TNRC6B: variants seen among roughly 807,000 people sequenced by gnomAD.
TNRC6B encodes the protein trinucleotide repeat containing adaptor 6B.
A neutral mutation model predicts 203.6 loss-of-function variants in TNRC6B; 52 were observed. The ratio of observed to expected loss-of-function variants is 0.26; its 90% CI spans 0.20 to 0.32. TNRC6B has a LOEUF of 0.32. TNRC6B is among the 10% of genes least tolerant of loss of function. TNRC6B has a pLI of 1.00. For missense variants in TNRC6B, 1,923 were observed against 2,286.2 expected, an observed-to-expected ratio of 0.84 and a Z score of 3.24; for synonymous variants, 838 against 845.7, an observed-to-expected ratio of 0.99 and a Z score of 0.16.
chr22:40,251,311 T>A, intron 3 of TNRC6B, 111 bp downstream of exon 3: 2 of 788,042 alleles, frequency 2.5e-6, no homozygotes, highest in African/African-American at 1.8e-5. Flanking sequence ...GTAGAGTAAT[T>A]AAGGTGGGTT....
At chr22:40,315,573 G>T in intron 20 of TNRC6B, 66 bp downstream of exon 20, 2 of 1,522,122 alleles carry the variant, frequency 1.3e-6, no homozygotes, top group South Asian at 2.4e-5. Flanking sequence ...AACACAGATG[G>T]TGAAGACACA....
At chr22:40,306,300 AAAAG>A (rs2071087401) in intron 15 of TNRC6B, among the ~76,000 whole-genome samples, 1 of 152,050 alleles carries the variant, frequency 6.6e-6, no homozygotes, top group South Asian at 2.1e-4. Context: ...TCAAAAAAAG[AAAAG>A]AAAGAAAAAA....
intron 9 of TNRC6B, among the ~76,000 whole-genome samples, chr22:40,278,402 A>G (rs2070679822): frequency 6.6e-6 from 1 of 152,080 alleles, no homozygotes; most frequent in African/African-American, 2.4e-5. Flanking sequence ...TACTAAAAAT[A>G]CAAAAATTAG....
chr22:40,102,239 A>G (rs868164165), intron 1 of TNRC6B, among the ~76,000 whole-genome samples: 1 of 152,224 alleles, frequency 6.6e-6, no homozygotes, highest in Non-Finnish European at 1.5e-5. Flanking sequence ...ATTGTGCCAG[A>G]TACTCATGTT....
chr22:40,269,519 T>C (rs1433429238), intron 5 of TNRC6B, among the ~76,000 whole-genome samples: 1 of 152,178 alleles, frequency 6.6e-6, no homozygotes, highest in East Asian at 1.9e-4. Flanking sequence ...CCAAATTTTT[T>C]CTATCAGTGA....
rs769396876 is a variant in TNRC6B, at chr22:40,279,958, T to C, written c.3263-37T>C. On this transcript the variant is annotated intron_variant, in intron 9 of 22. Transcript: ENST00000454349. The stretch of plus-strand genomic sequence containing the variant: ...TCTTGGTTCATGGGGGAAACATTGA[T>C]TCTGGAAATTTTCACTCTGTGTATG... The C allele has an allele frequency of 2.5e-5, 40 of 1,609,306 alleles. No individual in the cohort carries two copies. The South Asian group carries it at 4.2e-4, about 17-fold the overall frequency.
chr22:40,242,896 G>A (rs1022492045), intron 1 of TNRC6B, among the ~76,000 whole-genome samples: 1 of 150,612 alleles, frequency 6.6e-6, no homozygotes, highest in Admixed American at 6.6e-5. Context: ...TGGAGACAGA[G>A]TCTCGCTCTG....
chr22:40,159,107 C>G (rs867455361), intron 4 of TNRC6B, among the ~76,000 whole-genome samples: 1 of 151,382 alleles, frequency 6.6e-6, no homozygotes, highest in African/African-American at 2.4e-5. Context: ...GGACTACAGG[C>G]GCCCACCATC....
chr22:40,094,766 A>G (rs1481137777), intron 1 of TNRC6B, among the ~76,000 whole-genome samples: 2 of 152,236 alleles, frequency 1.3e-5, no homozygotes. Context: ...TGTTTGATAA[A>G]CAGAAGTTTA....
intron 11 of TNRC6B, 46 bp downstream of exon 11, chr22:40,281,335 C>T: frequency 6.8e-7 from 1 of 1,469,320 alleles, no homozygotes; most frequent in South Asian, 1.4e-5. Flanking sequence ...ATGGCCTCGC[C>T]TTGGTCCTGG....
chr22:40,154,878 T>A (rs1252985229), intron 3 of TNRC6B, among the ~76,000 whole-genome samples: 1 of 69,784 alleles, frequency 1.4e-5, no homozygotes, highest in Non-Finnish European at 2.6e-5. Flanking sequence ...TATATATATA[T>A]ATATATATAT....
At chr22:40,120,763 G>A (rs192189022) in intron 2 of TNRC6B, among the ~76,000 whole-genome samples, 80 of 152,288 alleles carry the variant, frequency 5.3e-4, no homozygotes, top group African/African-American at 1.6e-3. Context: ...AAAATTTCAC[G>A]TTTATCATTC....
At chr22:40,210,525 A>G (rs966401548) in intron 1 of TNRC6B, among the ~76,000 whole-genome samples, 1 of 152,184 alleles carries the variant, frequency 6.6e-6, no homozygotes, top group African/African-American at 2.4e-5. Context: ...AAAACTGTTA[A>G]CACTTTGGTA....
chr22:40,105,108 C>G (rs2068271752), intron 1 of TNRC6B, among the ~76,000 whole-genome samples: 1 of 152,178 alleles, frequency 6.6e-6, no homozygotes, highest in South Asian at 2.1e-4. Flanking sequence ...GTGTGGCAGA[C>G]TACTTGTGAG....
chr22:40,305,697 C>T (rs937714414), intron 15 of TNRC6B, among the ~76,000 whole-genome samples: 1 of 152,084 alleles, frequency 6.6e-6, no homozygotes, highest in African/African-American at 2.4e-5. Context: ...TTTCTCTTAC[C>T]CCTTGGATTA....
rs1421097589 is a variant in TNRC6B at position 40,332,864 on chromosome 22, C to A, written c.*9623C>A. ...AACATTTTCTTTGCTGTGAAAGTAACCCTAAAATATGTTTTCTTCTTTTGT... is the reference window on the plus strand; with the variant it reads ...AACATTTTCTTTGCTGTGAAAGTAAACCTAAAATATGTTTTCTTCTTTTGT... On this transcript the variant is annotated 3_prime_UTR_variant, in exon 23 of 23. Coordinates refer to ENST00000454349, the MANE Select transcript of TNRC6B (RefSeq NM_001162501.2). 6.6e-6 allele frequency: 1 copy of A among 152,546 alleles called. No individual in the cohort carries two copies. Among genetic ancestry groups the A allele is most frequent in the Non-Finnish European group, 1.5e-5 (1 of 68,022 alleles). 9.4% of individuals were successfully genotyped at this position (152,546 alleles called of 1,614,324 possible).
At chr22:40,058,610 T>C (rs1463124501) in intron 1 of TNRC6B, among the ~76,000 whole-genome samples, 1 of 152,210 alleles carries the variant, frequency 6.6e-6, no homozygotes, top group Non-Finnish European at 1.5e-5. Flanking sequence ...CCTCCTATTT[T>C]TCAGACCTTG....
chr22:40,299,891 C>A (rs1487136565), intron 12 of TNRC6B, among the ~76,000 whole-genome samples: 1 of 152,234 alleles, frequency 6.6e-6, no homozygotes, highest in African/African-American at 2.4e-5. Flanking sequence ...GCCTAGCTCA[C>A]TCCTGAGAAC....
At chr22:40,195,967 C>A (rs1035528860) in intron 1 of TNRC6B, among the ~76,000 whole-genome samples, 12 of 151,888 alleles carry the variant, frequency 7.9e-5, no homozygotes, top group African/African-American at 2.9e-4. Context: ...TTTTAGTAGA[C>A]GGGGTTTCAC....
Sources: gnomAD v4.1 joint callset for allele counts (sites outside exome capture counted in the v4.1 genomes callset) on GRCh38, gnomAD v4.1.1 for gene constraint, MANE v1.5 for transcripts, NCBI Gene and HGNC (gene_info 2026-07-23, HGNC 2026-07-21) for gene names.